Variants in RRM2B observed in about 807,000 individuals in gnomAD.
The protein encoded by RRM2B is ribonucleotide reductase regulatory TP53 inducible subunit M2B.
Under a neutral mutation model 45.9 loss-of-function variants are expected in RRM2B, and 20 were observed. The ratio of observed to expected loss-of-function variants is 0.44; its 90% confidence interval spans 0.31 to 0.63. The LOEUF is 0.63. Among genes scored for constraint, RRM2B ranks in the 30% least tolerant of loss-of-function variants. The pLI is 0.09. For missense variants in RRM2B, 320 were observed against 414.7 expected, an observed-to-expected ratio of 0.77 and a Z score of 1.98; for synonymous variants, 124 against 132.3, an observed-to-expected ratio of 0.94 and a Z score of 0.43.
intron 5 of RRM2B, among the ~76,000 whole-genome samples, chr8:102,223,695 C>CA (rs764014539): frequency 0.026 from 1,866 of 71,644 alleles, 28 homozygotes; most frequent in African/African-American, 0.06. Flanking sequence ...GACTCCGTCT[C>CA]AAAAAAAAAA....
At position 102,205,083 on chromosome 8, in the gene RRM2B, T is replaced by C. The variant is rs1810521277; in HGVS notation, c.*3050A>G. 2.0e-5 allele frequency: 3 copies of C among 152,314 alleles called. No homozygotes were observed. The highest frequency in any genetic ancestry group is 2.1e-4 in the South Asian group (1 of 4,828). The allele number at this position is 152,314 out of a possible 1,614,324, so 9.4% of individuals were successfully genotyped here. ...TTCATCCAGATTCTGCTGGGGAAGA[T>C]TTCCCAAGTCCACTACCAATTCACT... On this transcript the variant is annotated 3_prime_UTR_variant, in exon 9 of 9. Coordinates refer to ENST00000251810, the MANE Select transcript of RRM2B (RefSeq NM_015713.5).
At chr8:102,238,466 T>G in intron 1 of RRM2B, 1 of 1,179,182 alleles carries the variant, frequency 8.5e-7, no homozygotes, top group Non-Finnish European at 1.1e-6. Context: ...GCCACAGTCC[T>G]CTTTCCTTGC....
At chr8:102,227,366 C>G (rs1330993015) in intron 2 of RRM2B, among the ~76,000 whole-genome samples, 4 of 151,976 alleles carry the variant, frequency 2.6e-5, no homozygotes, top group Non-Finnish European at 4.4e-5. Context: ...GGCACAATCT[C>G]AGCTCACTAC....
At chr8:102,226,788 A>T (rs1350245979) in intron 2 of RRM2B, among the ~76,000 whole-genome samples, 1 of 152,188 alleles carries the variant, frequency 6.6e-6, no homozygotes, top group Non-Finnish European at 1.5e-5. Flanking sequence ...ATCTTGGCTC[A>T]CTGCAACCTT....
chr8:102,224,193 T>C (rs186800186), intron 4 of RRM2B, 53 bp from the exon 5 acceptor site: 2 of 1,299,000 alleles, frequency 1.5e-6, no homozygotes, highest in African/African-American at 2.9e-5. Context: ...TTTCTTTTTT[T>C]TTTTTTGAGA....
At chr8:102,225,206 T>C (rs1810908753) in intron 3 of RRM2B, among the ~76,000 whole-genome samples, 188 bp from the exon 4 acceptor site, 2 of 151,190 alleles carry the variant, frequency 1.3e-5, no homozygotes, top group African/African-American at 2.4e-5. Context: ...TTCTCCATGG[T>C]AAATTATTTG....
chr8:102,228,130 C>A (rs909177516), intron 2 of RRM2B, among the ~76,000 whole-genome samples: 1 of 152,142 alleles, frequency 6.6e-6, no homozygotes, highest in Non-Finnish European at 1.5e-5. Context: ...CCCATAAAAA[C>A]CCCAGGCTCT....
Position 102,224,205 on chromosome 8 carries a change from A to G in RRM2B, c.456-65T>C, listed in dbSNP as rs977875528. On this transcript the variant is annotated intron_variant, in intron 4 of 8. Transcript: ENST00000251810. ...GTTTTTCTTTTTTTTTTTTTGAGAC[A>G]GAGTCTCGCTCTGTTGCCCAGGCTG... 8 of 1,094,012 alleles carry G rather than the reference A, an allele frequency of 7.3e-6. No homozygotes were observed. In the East Asian group the frequency reaches 1.7e-4, roughly 23 times the overall value. 67.8% of individuals were successfully genotyped at this position (1,094,012 alleles called of 1,614,324 possible). A position where few individuals can be genotyped will look rare whatever the true frequency, so the allele number is the denominator to read the frequency against.
rs764619997 is a variant in RRM2B at position 102,232,255 on chromosome 8, G to T, written c.98C>A (p.Pro33Gln). Reference protein sequence around the residue: ...NESEIKSNEEPLLRKSSRRFV... With the variant: ...NESEIKSNEEQLLRKSSRRFV... The stretch of plus-strand genomic sequence containing the variant: ...CCGGCGAGAACTCTTTCTTAGGAGT[G>T]GCTCTTCATTTGACTTTATTTCACT... Residue 33 changes from proline to glutamine, a missense_variant, in exon 2 of 9, where the codon CCA (proline) becomes CAA (glutamine). By Grantham distance (76) the Pro-to-Gln change is moderately conservative. Coordinates refer to ENST00000251810, the MANE Select transcript of RRM2B (RefSeq NM_015713.5). 6.2e-7 allele frequency: 1 copy of T among 1,613,956 alleles called. No homozygotes were observed. The highest frequency in any genetic ancestry group is 1.3e-5 in the African/African-American group (1 of 74,930).
At position 102,222,889 on chromosome 8, in the gene RRM2B, T is replaced by C. The variant is rs201262751; in HGVS notation, c.550+1157A>G. Among the ~76,000 whole-genome samples the C allele has an allele frequency of 2.6e-5, 4 of 152,196 alleles. No individual in the cohort carries two copies. In the East Asian group the frequency reaches 5.8e-4, roughly 22 times the overall value. On this transcript the variant is annotated intron_variant, in intron 5 of 8. Transcript: ENST00000251810. ...GTATTAAAATATAATGGGTTGATTA[T>C]TGCTATCTTAGAATGCACTAATAAA...
At chr8:102,212,952 A>T in intron 7 of RRM2B, 63 bp from the exon 8 acceptor site, 1 of 847,544 alleles carries the variant, frequency 1.2e-6, no homozygotes, top group Non-Finnish European at 2.0e-6. Flanking sequence ...TTTTCCAAAT[A>T]GAAAGAGGAC....
intron 3 of RRM2B, 120 bp from the exon 4 acceptor site, chr8:102,225,138 A>G (rs1810908161): frequency 1.1e-6 from 1 of 913,560 alleles, no homozygotes; most frequent in Non-Finnish European, 1.8e-6. Context: ...CAAACAGGTC[A>G]GAAAGACCTT....
intron 6 of RRM2B, among the ~76,000 whole-genome samples, chr8:102,215,045 TAAAAAAAAA>T (rs3063793): frequency 3.2e-5 from 2 of 61,778 alleles, no homozygotes; most frequent in African/African-American, 1.4e-4. Flanking sequence ...AGCTAAATAT[TAAAAAAAAA>T]AAAAAAAAAA....
At position 102,212,903 on chromosome 8, in the gene RRM2B, A is replaced by G; in HGVS notation, c.790-14T>C. 2 of 1,290,842 alleles carry G rather than the reference A, an allele frequency of 1.5e-6. No homozygotes were observed. The highest frequency in any genetic ancestry group is 1.5e-5 in the African/African-American group (1 of 68,568). The allele number at this position is 1,290,842 out of a possible 1,614,324, so 80.0% of individuals were successfully genotyped here. Reference sequence around the variant, plus strand: ...TGTTAAAAACTCCTGGGATGAAAACAAAAACAGAATAAAGTACAAACAAAA... The same window carrying G: ...TGTTAAAAACTCCTGGGATGAAAACGAAAACAGAATAAAGTACAAACAAAA... On this transcript the variant is annotated splice_polypyrimidine_tract_variant and intron_variant, in intron 7 of 8. Coordinates refer to ENST00000251810, the MANE Select transcript of RRM2B (RefSeq NM_015713.5).
intron 3 of RRM2B, 37 bp downstream of exon 3, chr8:102,225,880 TA>T (rs1434538956): frequency 3.6e-6 from 4 of 1,097,098 alleles, no homozygotes; most frequent in Non-Finnish European, 4.2e-6. Context: ...ATTTAACTGC[TA>T]AAGGAGAACA....
intron 1 of RRM2B, among the ~76,000 whole-genome samples, chr8:102,235,682 T>C (rs1164681737): frequency 6.6e-6 from 1 of 151,980 alleles, no homozygotes; most frequent in African/African-American, 2.4e-5. Context: ...CTACTAAAAA[T>C]ACAAAAATTA....
chr8:102,208,384 C>T, intron 8 of RRM2B, 99 bp from the exon 9 acceptor site: 1 of 866,018 alleles, frequency 1.2e-6, no homozygotes, highest in Admixed American at 2.1e-5. Context: ...TTTCTCAAAA[C>T]CTATCTAGTC....
chr8:102,224,268 A>C (rs1212079410), intron 4 of RRM2B, 128 bp from the exon 5 acceptor site: 3 of 637,462 alleles, frequency 4.7e-6, no homozygotes, highest in Non-Finnish European at 8.4e-6. Flanking sequence ...TGCAAGCTCC[A>C]CCTCCCGGGT....
At chr8:102,218,670 A>C (rs1810773741) in intron 6 of RRM2B, 144 bp downstream of exon 6, 1 of 675,942 alleles carries the variant, frequency 1.5e-6, no homozygotes, top group African/African-American at 1.8e-5. Context: ...AGGCTGCAGC[A>C]AGCCATGATC....
Sources: allele counts gnomAD v4.1 joint callset (sites outside exome capture counted in the v4.1 genomes callset), GRCh38; gene constraint gnomAD v4.1.1; transcripts MANE v1.5; gene names NCBI Gene and HGNC (gene_info 2026-07-23, HGNC 2026-07-21).